The following AFG3L2 variants were observed in gnomAD, a reference collection of about 807,000 sequenced individuals.
The protein encoded by AFG3L2 is mitochondrial inner membrane m-AAA protease component AFG3L2.
A neutral mutation model predicts 94.5 loss-of-function variants in AFG3L2; 54 were observed. That is an observed-to-expected ratio of 0.57 (90% confidence interval 0.46 to 0.72). The LOEUF (loss-of-function observed/expected upper bound fraction) is 0.72, where lower values mean the gene tolerates loss of function less well. Among genes scored for constraint, AFG3L2 ranks in the 30% least tolerant of loss-of-function variants. The probability of loss-of-function intolerance (pLI) is 0.00; values close to 1 mark genes in which losing one functional copy is unlikely to be tolerated. For missense variants in AFG3L2, 754 were observed against 994.9 expected (o/e 0.76, Z 3.26); for synonymous variants, 377 against 365.5 (o/e 1.03, Z -0.36).
intron 3 of AFG3L2, among the ~76,000 whole-genome samples, chr18:12,370,463 C>CTTTTTTTTT (rs71369930): frequency 4.1e-5 from 5 of 121,042 alleles, no homozygotes; most frequent in African/African-American, 1.0e-4. Context: ...CTATAACTTT[C>CTTTTTTTTT]TTTTTTTTTT....
chr18:12,337,407 T>C lies in AFG3L2; in HGVS notation c.2109A>G (p.Ile703Met), dbSNP rs759124842. 1 of 1,614,174 alleles carries C rather than the reference T, an allele frequency of 6.2e-7. No individual in the cohort carries two copies. Among genetic ancestry groups the C allele is most frequent in the Non-Finnish European group, 8.5e-7 (1 of 1,179,962 alleles). The change falls in exon 16 of 17, where the codon ATA becomes ATG. Residue 703 changes from isoleucine (I) to methionine (M), a missense_variant. By Grantham distance (10) the Ile-to-Met change is conservative. Coordinates refer to ENST00000269143, the MANE Select transcript of AFG3L2 (RefSeq NM_006796.3). ...TTCTTTTATAAGCATCATTAATAAGTATTCGTACTTCATCATCTATCAATC... is the reference window on the plus strand; with the variant it reads ...TTCTTTTATAAGCATCATTAATAAGCATTCGTACTTCATCATCTATCAATC... ...TARLIDDEVR[I>M]LINDAYKRTV...
intron 14 of AFG3L2, chr18:12,341,585 T>G (rs1907954977): frequency 6.6e-6 from 1 of 152,260 alleles, no homozygotes; most frequent in Non-Finnish European, 1.5e-5. Context: ...GATACTGCTG[T>G]ATGTATTAAT....
chr18:12,338,860 TAAATC>T (rs1319583110), intron 15 of AFG3L2, among the ~76,000 whole-genome samples: 1 of 152,064 alleles, frequency 6.6e-6, no homozygotes, highest in Non-Finnish European at 1.5e-5. Context: ...AAGATCTACT[TAAATC>T]AGAACTAGAA....
chr18:12,358,561 G>A (rs1908562930), intron 8 of AFG3L2, 109 bp downstream of exon 8: 1 of 1,394,220 alleles, frequency 7.2e-7, no homozygotes, highest in African/African-American at 1.4e-5. Flanking sequence ...AGCTGAGAAA[G>A]AGGAAGGACA....
chr18:12,357,860 A>G (rs1370609663), intron 8 of AFG3L2, among the ~76,000 whole-genome samples: 1 of 152,122 alleles, frequency 6.6e-6, no homozygotes, highest in Non-Finnish European at 1.5e-5. Flanking sequence ...CAGCCTCCCA[A>G]AGTGCTGGGA....
chr18:12,337,382 T>C lies in AFG3L2; in HGVS notation c.2134A>G (p.Thr712Ala). 6.2e-7 allele frequency: 1 copy of C among 1,614,214 alleles called. No individual in the cohort carries two copies. The highest frequency in any genetic ancestry group is 8.5e-7 in the Non-Finnish European group (1 of 1,180,010). Residue 712 changes from threonine to alanine, a missense_variant, in exon 16 of 17, where the codon ACA becomes GCA. By Grantham distance (58) the Thr-to-Ala change is moderately conservative (BLOSUM62 0). Coordinates refer to ENST00000269143, the MANE Select transcript of AFG3L2 (RefSeq NM_006796.3). ...RILINDAYKR[T>A]VALLTEKKAD... ...TTCTTTTCTGTGAGAAGAGCTACTG[T>C]TCTTTTATAAGCATCATTAATAAGT...
chr18:12,345,304 G>A (rs578082608), intron 13 of AFG3L2, among the ~76,000 whole-genome samples: 8 of 152,352 alleles, frequency 5.3e-5, no homozygotes, highest in South Asian at 4.1e-4. Flanking sequence ...CTGGATCAAC[G>A]TGGGCTCTGC....
intron 6 of AFG3L2, 145 bp downstream of exon 6, chr18:12,363,637 T>C: frequency 1.5e-6 from 1 of 682,960 alleles, no homozygotes; most frequent in South Asian, 1.7e-5. Context: ...CCACTGATGT[T>C]AGTAAGATCA....
chr18:12,372,843 G>T (rs1371186704), intron 1 of AFG3L2, among the ~76,000 whole-genome samples: 3 of 152,166 alleles, frequency 2.0e-5, no homozygotes, highest in African/African-American at 7.2e-5. Context: ...TCCATAGAGA[G>T]ATAGACACAT....
chr18:12,359,842 T>C (rs1208745904), intron 7 of AFG3L2, 85 bp downstream of exon 7: 35 of 1,549,424 alleles, frequency 2.3e-5, no homozygotes, highest in Non-Finnish European at 3.1e-5. Flanking sequence ...GAGAATATAA[T>C]GTATAGCCCT....
chr18:12,373,301 G>A (rs1458926511), intron 1 of AFG3L2, among the ~76,000 whole-genome samples: 1 of 152,182 alleles, frequency 6.6e-6, no homozygotes, highest in African/African-American at 2.4e-5. Flanking sequence ...TAAGGGTGTA[G>A]ATTAAAATGA....
rs377688307 is a variant in AFG3L2 at position 12,333,762 on chromosome 18, C to A, written c.2175+3579G>T. On this transcript the variant is annotated intron_variant, in intron 16 of 16. Transcript: ENST00000269143. Reference sequence around the variant, plus strand: ...TCTTCAGTAACCAGCATGCACTTGACATTTAACAGTTCTCGATTCACAGCG... The same window carrying A: ...TCTTCAGTAACCAGCATGCACTTGAAATTTAACAGTTCTCGATTCACAGCG... 2.9e-4 allele frequency among the ~76,000 whole-genome samples: 44 copies of A among 152,290 alleles called. 1 individual carries two copies. The East Asian group carries it at 3.3e-3, about 11-fold the overall frequency.
intron 10 of AFG3L2, among the ~76,000 whole-genome samples, chr18:12,352,220 C>T (rs1487831133): frequency 1.3e-5 from 2 of 152,178 alleles, no homozygotes; most frequent in East Asian, 3.9e-4. Flanking sequence ...ACGGCAGGAG[C>T]TCCTGGGTGA....
intron 16 of AFG3L2, 123 bp downstream of exon 16, chr18:12,337,218 G>T: frequency 1.1e-6 from 1 of 871,566 alleles, no homozygotes; most frequent in Non-Finnish European, 1.9e-6. Flanking sequence ...AGAACGAACG[G>T]ACCCATGGGT....
intron 1 of AFG3L2, among the ~76,000 whole-genome samples, chr18:12,373,924 C>T (rs559754292): frequency 6.6e-6 from 1 of 152,306 alleles, no homozygotes; most frequent in East Asian, 1.9e-4. Context: ...CCCCACCTCT[C>T]AATACCACCA....
intron 1 of AFG3L2, among the ~76,000 whole-genome samples, chr18:12,374,954 G>A (rs1432905205): frequency 6.6e-6 from 1 of 151,768 alleles, no homozygotes; most frequent in Non-Finnish European, 1.5e-5. Context: ...TACTCGGGAG[G>A]CTGAGGCAGG....
intron 3 of AFG3L2, 114 bp downstream of exon 3, chr18:12,370,735 A>G: frequency 1.3e-6 from 1 of 744,056 alleles, no homozygotes; most frequent in Non-Finnish European, 2.3e-6. Flanking sequence ...CTGGGATTAC[A>G]GGCGTGAGAC....
At chr18:12,346,417 C>A (rs1220045698) in intron 13 of AFG3L2, among the ~76,000 whole-genome samples, 1 of 152,170 alleles carries the variant, frequency 6.6e-6, no homozygotes, top group South Asian at 2.1e-4. Context: ...TCATTCTCTA[C>A]GAGCCAGCTG....
intron 15 of AFG3L2, among the ~76,000 whole-genome samples, chr18:12,338,507 A>C (rs1015154866): frequency 6.6e-6 from 1 of 152,178 alleles, no homozygotes; most frequent in African/African-American, 2.4e-5. Flanking sequence ...TTCTGCAAGT[A>C]AGACCCAAAC....
Sources: gnomAD v4.1 joint callset for allele counts (sites outside exome capture counted in the v4.1 genomes callset) on GRCh38, gnomAD v4.1.1 for gene constraint, MANE v1.5 for transcripts, NCBI Gene and HGNC (gene_info 2026-07-23, HGNC 2026-07-21) for gene names.